Variants in TMLHE observed in about 807,000 individuals in gnomAD.
TMLHE encodes the protein trimethyllysine hydroxylase, epsilon.
Under a neutral mutation model 25.7 loss-of-function variants are expected in TMLHE, and 18 were observed. That is an observed-to-expected ratio of 0.70 (90% CI 0.48 to 1.04). The LOEUF (loss-of-function observed/expected upper bound fraction) is 1.04, where lower values mean the gene tolerates loss of function less well. Among genes scored for constraint, TMLHE ranks in the 50% least tolerant of loss-of-function variants. TMLHE has a pLI of 0.00. For missense variants in TMLHE, 236 were observed against 259.0 expected, an observed-to-expected ratio of 0.91 and a Z score of 0.61; for synonymous variants, 105 against 97.0, an observed-to-expected ratio of 1.08 and a Z score of -0.49.
chrX:155,612,680 G>A (rs1278176077), intron 1 of TMLHE, 112 bp downstream of exon 1: 1 of 112,697 alleles, frequency 8.9e-6, no homozygotes, highest in African/African-American at 3.2e-5. Context: ...CCAGCAGCCC[G>A]GGTGAGAGCC....
rs1007716095 is a variant in TMLHE at position 155,554,674 on chromosome X, G to A, written c.-1-9397C>T. Among the ~76,000 whole-genome samples, 7 of 109,466 alleles carry A rather than the reference G, an allele frequency of 6.4e-5. No homozygotes were observed. In the East Asian group the frequency reaches 2.0e-3, roughly 31 times the overall value. On this transcript the variant is annotated intron_variant, in intron 1 of 7. Coordinates refer to ENST00000334398, the MANE Select transcript of TMLHE (RefSeq NM_018196.4). ...AATCCACGAACTGATGCTTGTGACA[G>A]GCAGATTTCTAAGATGACCTCCAGT...
chrX:155,559,105 C>T (rs1481900131), intron 1 of TMLHE, among the ~76,000 whole-genome samples: 1 of 111,514 alleles, frequency 9.0e-6, no homozygotes, highest in Non-Finnish European at 1.9e-5. Context: ...CTTAAAGCAC[C>T]TTTCCTATTT....
chrX:155,526,201 G>T (rs1002470385), intron 2 of TMLHE, among the ~76,000 whole-genome samples: 1 of 113,084 alleles, frequency 8.8e-6, no homozygotes. Context: ...TTGTGGGCCA[G>T]GCCCAGGGCC....
At chrX:155,568,475 G>C (rs375154134) in intron 1 of TMLHE, among the ~76,000 whole-genome samples, 1 of 61,921 alleles carries the variant, frequency 1.6e-5, no homozygotes, top group South Asian at 9.3e-4. Flanking sequence ...GCTTTGAAGA[G>C]AGCAGTGATT....
intron 1 of TMLHE, among the ~76,000 whole-genome samples, chrX:155,588,296 T>C (rs1423500172): frequency 1.8e-5 from 2 of 111,929 alleles, no homozygotes; most frequent in African/African-American, 6.5e-5. Context: ...ATGGGAGACC[T>C]GTATGCAGAA....
chrX:155,549,138 G>A (rs140639139), intron 1 of TMLHE, among the ~76,000 whole-genome samples: 1,765 of 111,098 alleles, frequency 0.016, 39 homozygotes, highest in Admixed American at 0.017. Context: ...TCCAGTAAGC[G>A]CTTTGGAAAT....
In TMLHE at chrX:155,570,205, C is replaced by A. The variant is rs1351579302; in HGVS notation, c.-1-24928G>T. Reference sequence around the variant, plus strand: ...CAATCCTAGTCTCTGATAAAACAGACTTTAAACCAACAAAGATCAAAAGAG... The same window carrying A: ...CAATCCTAGTCTCTGATAAAACAGAATTTAAACCAACAAAGATCAAAAGAG... On this transcript the variant is annotated intron_variant, in intron 1 of 7. Coordinates refer to ENST00000334398, the MANE Select transcript of TMLHE (RefSeq NM_018196.4). 1.0e-3 allele frequency among the ~76,000 whole-genome samples: 57 copies of A among 54,649 alleles called. 11 individuals carry two copies. The highest frequency in any genetic ancestry group is 2.4e-3 in the African/African-American group (55 of 22,707). 47.5% of individuals were successfully genotyped at this position (54,649 alleles called of 115,157 possible). A position where few individuals can be genotyped will look rare whatever the true frequency, so the allele number is the denominator to read the frequency against.
At chrX:155,581,388 C>T (rs1557344524) in intron 1 of TMLHE, among the ~76,000 whole-genome samples, 1 of 111,986 alleles carries the variant, frequency 8.9e-6, no homozygotes, top group East Asian at 2.8e-4. Flanking sequence ...GAAATTGTCC[C>T]TGTTTGCAGA....
intron 1 of TMLHE, among the ~76,000 whole-genome samples, chrX:155,574,431 A>G (rs1347088797): frequency 8.9e-6 from 1 of 112,188 alleles, no homozygotes; most frequent in Non-Finnish European, 1.9e-5. Context: ...CCACTTTTCA[A>G]AGGGTAGAAA....
intron 1 of TMLHE, among the ~76,000 whole-genome samples, chrX:155,548,533 AGGCC>A (rs2067378287): frequency 9.2e-6 from 1 of 109,209 alleles, no homozygotes; most frequent in African/African-American, 3.4e-5. Context: ...CAGCAGTATG[AGGCC>A]AGCCTGACTA....
chrX:155,568,316 G>GT lies in TMLHE; in HGVS notation c.-1-23040dup, dbSNP rs1176629705. 6.5e-5 allele frequency among the ~76,000 whole-genome samples: 4 copies of GT among 61,649 alleles called. 2 individuals carry two copies. 53.5% of individuals were successfully genotyped at this position (61,649 alleles called of 115,157 possible). A position where few individuals can be genotyped will look rare whatever the true frequency, so the allele number is the denominator to read the frequency against. On this transcript the variant is annotated intron_variant, in intron 1 of 7. Transcript: ENST00000334398. Reference sequence around the variant, plus strand: ...CCCACCATTGCCCAGGCTTCCTTAGGTAAAAAAAGCAGCCGGGAAGCTCGA... The same window carrying GT: ...CCCACCATTGCCCAGGCTTCCTTAGGTTAAAAAAAGCAGCCGGGAAGCTCGA...
At chrX:155,559,750 T>C (rs2067481995) in intron 1 of TMLHE, among the ~76,000 whole-genome samples, 1 of 112,559 alleles carries the variant, frequency 8.9e-6, no homozygotes, top group South Asian at 3.6e-4. Flanking sequence ...TTTGTCCTTC[T>C]CTTTCCATTC....
intron 1 of TMLHE, among the ~76,000 whole-genome samples, chrX:155,560,020 T>C (rs1557341550): frequency 8.9e-6 from 1 of 112,737 alleles, no homozygotes; most frequent in Non-Finnish European, 1.9e-5. Flanking sequence ...ATAACCTTAT[T>C]AGTGCACTTA....
chrX:155,606,641 T>G (rs1334119062), intron 1 of TMLHE, among the ~76,000 whole-genome samples: 1 of 108,905 alleles, frequency 9.2e-6, no homozygotes, highest in African/African-American at 3.3e-5. Flanking sequence ...TAGCATTCAA[T>G]GATAAAAAAA....
At chrX:155,573,598 G>A (rs2067570712) in intron 1 of TMLHE, among the ~76,000 whole-genome samples, 1 of 56,191 alleles carries the variant, frequency 1.8e-5, no homozygotes, top group African/African-American at 4.3e-5. Context: ...GTCCAACAAT[G>A]ATAGACTGGA....
intron 2 of TMLHE, among the ~76,000 whole-genome samples, chrX:155,530,070 G>A (rs1215980379): frequency 8.9e-6 from 1 of 111,755 alleles, no homozygotes; most frequent in Admixed American, 9.5e-5. Context: ...TACCTTCTGA[G>A]TATATGCCCA....
chrX:155,588,965 T>A (rs2067679935), intron 1 of TMLHE, among the ~76,000 whole-genome samples: 1 of 111,817 alleles, frequency 8.9e-6, no homozygotes, highest in Non-Finnish European at 1.9e-5. Context: ...GATCTAGCAA[T>A]CCTATAATAG....
chrX:155,515,736 T>G (rs1199203763), intron 3 of TMLHE, among the ~76,000 whole-genome samples: 1 of 111,604 alleles, frequency 9.0e-6, no homozygotes, highest in East Asian at 2.8e-4. Flanking sequence ...GAATACTTTC[T>G]ATATTTGTTA....
At chrX:155,562,313 G>A (rs1557341915) in intron 1 of TMLHE, among the ~76,000 whole-genome samples, 2 of 62,022 alleles carry the variant, frequency 3.2e-5, no homozygotes, top group South Asian at 9.6e-4. Context: ...TTAAGCCACA[G>A]TTGGAGCTGG....
Sources: allele counts gnomAD v4.1 joint callset (sites outside exome capture counted in the v4.1 genomes callset), GRCh38; gene constraint gnomAD v4.1.1; transcripts MANE v1.5; gene names NCBI Gene and HGNC (gene_info 2026-07-23, HGNC 2026-07-21).